The following ERBB4 variants were observed in gnomAD, a reference collection of about 807,000 sequenced individuals.
ERBB4 encodes the protein receptor tyrosine-protein kinase erbB-4.
In ERBB4, 42 loss-of-function variants were observed where a neutral mutation model predicts 158.0. That is an observed-to-expected ratio of 0.27 (90% CI 0.21 to 0.34). The LOEUF is 0.34. Among genes scored for constraint, ERBB4 ranks in the 10% least tolerant of loss-of-function variants. The pLI, the probability that ERBB4 is intolerant of heterozygous loss-of-function variation, is 1.00. For synonymous variants in ERBB4, 583 were observed against 558.7 expected, an observed-to-expected ratio of 1.04 and a Z score of -0.61; for missense variants, 1,333 against 1,624.1, an observed-to-expected ratio of 0.82 and a Z score of 3.08.
intron 1 of ERBB4, among the ~76,000 whole-genome samples, chr2:212,228,670 T>C (rs1370408320): frequency 6.6e-6 from 1 of 151,630 alleles, no homozygotes; most frequent in Non-Finnish European, 1.5e-5. Flanking sequence ...AAACAAAAAA[T>C]CAGTAAACCC....
intron 1 of ERBB4, among the ~76,000 whole-genome samples, chr2:212,473,351 C>G (rs2106125534): frequency 6.6e-6 from 1 of 152,108 alleles, no homozygotes; most frequent in Middle Eastern, 3.4e-3. Context: ...AAAGAGGTTT[C>G]CACACTTGCC....
rs902249825 is a variant in ERBB4, at chr2:211,641,407, G to C, written c.1947-10813C>G. ...CTTTTGAGATCATCATTTGCAAGAGGAACAAACCTTAAAAATATTTAATAC... is the reference window on the plus strand; with the variant it reads ...CTTTTGAGATCATCATTTGCAAGAGCAACAAACCTTAAAAATATTTAATAC... On this transcript the variant is annotated intron_variant, in intron 16 of 27. Transcript: ENST00000342788. 3.3e-5 allele frequency among the ~76,000 whole-genome samples: 5 copies of C among 151,972 alleles called. 1 individual carries two copies. Among genetic ancestry groups the C allele is most frequent in the African/African-American group, 1.2e-4 (5 of 41,368 alleles).
chr2:211,807,285 C>A (rs1225747363), intron 3 of ERBB4, among the ~76,000 whole-genome samples: 6 of 152,064 alleles, frequency 3.9e-5, no homozygotes, highest in African/African-American at 1.4e-4. Flanking sequence ...TAATGCTATC[C>A]CTTCCCCTGG....
intron 20 of ERBB4, among the ~76,000 whole-genome samples, chr2:211,510,772 CA>C (rs2065866393): frequency 6.6e-6 from 1 of 151,890 alleles, no homozygotes; most frequent in African/African-American, 2.4e-5. Flanking sequence ...AGAAGCTTGC[CA>C]TTTTTTTTCT....
In ERBB4 at chr2:211,580,844, T is replaced by A. The variant is rs1387483703; in HGVS notation, c.2302-18756A>T. On this transcript the variant is annotated intron_variant, in intron 19 of 27. Transcript: ENST00000342788. ...ATATATTATATATATAGATTATATA[T>A]TATATATATAGTATGCATATACATA... Among the ~76,000 whole-genome samples the A allele has an allele frequency of 4.1e-3, 243 of 58,710 alleles. 37 individuals carry two copies. The highest frequency in any genetic ancestry group is 8.3e-3 in the Non-Finnish European group (210 of 25,206). The allele number at this position is 58,710 out of a possible 152,430, so 38.5% of individuals were successfully genotyped here.
At chr2:211,908,097 C>G (rs2079445970) in intron 3 of ERBB4, among the ~76,000 whole-genome samples, 1 of 151,482 alleles carries the variant, frequency 6.6e-6, no homozygotes, top group African/African-American at 2.4e-5. Context: ...TTACTTTATA[C>G]AGACAACACA....
intron 19 of ERBB4, among the ~76,000 whole-genome samples, chr2:211,595,159 A>T (rs1287106003): frequency 6.6e-6 from 1 of 152,200 alleles, no homozygotes; most frequent in African/African-American, 2.4e-5. Flanking sequence ...TCTGGGATAA[A>T]TTTTTATAGA....
chr2:211,858,470 A>G (rs2077928278), intron 3 of ERBB4, among the ~76,000 whole-genome samples: 1 of 152,346 alleles, frequency 6.6e-6, no homozygotes, highest in Admixed American at 6.5e-5. Flanking sequence ...TAAAGTCCTC[A>G]GCATGGTTTG....
At chr2:212,102,905 A>C (rs1359372812) in intron 2 of ERBB4, among the ~76,000 whole-genome samples, 1 of 152,110 alleles carries the variant, frequency 6.6e-6, no homozygotes, top group African/African-American at 2.4e-5. Context: ...AATAACTTTC[A>C]TTATCCAACA....
At chr2:211,540,205 T>TATATATATATATAC (rs60602351) in intron 20 of ERBB4, among the ~76,000 whole-genome samples, 7,233 of 147,534 alleles carry the variant, frequency 0.049, 177 homozygotes, top group African/African-American at 0.06. Context: ...TATATATATA[T>TATATATATATATAC]ACACACACAC....
chr2:211,805,818 A>C (rs1241962761), intron 3 of ERBB4, among the ~76,000 whole-genome samples: 1 of 152,076 alleles, frequency 6.6e-6, no homozygotes, highest in African/African-American at 2.4e-5. Context: ...ATTCTATTCT[A>C]TAGGAAAGAA....
At chr2:212,437,707 G>C (rs1158534838) in intron 1 of ERBB4, among the ~76,000 whole-genome samples, 2 of 152,058 alleles carry the variant, frequency 1.3e-5, no homozygotes, top group African/African-American at 4.8e-5. Context: ...TGATTCTGTA[G>C]TGACTTTCTG....
At chr2:212,331,642 T>C (rs919005910) in intron 1 of ERBB4, among the ~76,000 whole-genome samples, 2 of 151,926 alleles carry the variant, frequency 1.3e-5, no homozygotes, top group Admixed American at 1.3e-4. Context: ...AAACTCAAAT[T>C]ATTATCAAAT....
chr2:211,408,641 C>T (rs1246418966), intron 25 of ERBB4, among the ~76,000 whole-genome samples: 3 of 152,160 alleles, frequency 2.0e-5, no homozygotes, highest in Non-Finnish European at 4.4e-5. Flanking sequence ...TAAGAAGCTA[C>T]AAACAATAAG....
At chr2:212,209,547 G>A (rs1025284635) in intron 1 of ERBB4, among the ~76,000 whole-genome samples, 3 of 152,046 alleles carry the variant, frequency 2.0e-5, no homozygotes, top group African/African-American at 7.2e-5. Context: ...TACTAGTAAT[G>A]TGACTACTTG....
At chr2:211,844,797 G>T (rs2077552647) in intron 3 of ERBB4, among the ~76,000 whole-genome samples, 1 of 152,060 alleles carries the variant, frequency 6.6e-6, no homozygotes, top group Non-Finnish European at 1.5e-5. Context: ...ACAATCTATT[G>T]AAATCTAACG....
At chr2:211,540,205 T>TATATATATATATATATAC (rs60602351) in intron 20 of ERBB4, among the ~76,000 whole-genome samples, 54 of 147,828 alleles carry the variant, frequency 3.7e-4, no homozygotes, top group African/African-American at 9.2e-4. Flanking sequence ...TATATATATA[T>TATATATATATATATATAC]ACACACACAC....
intron 19 of ERBB4, among the ~76,000 whole-genome samples, chr2:211,588,360 TAAAAC>T (rs2068353325): frequency 1.3e-5 from 2 of 152,004 alleles, no homozygotes; most frequent in African/African-American, 4.8e-5. Context: ...AAAAATAAAT[TAAAAC>T]AAAAAGTAAT....
chr2:211,429,501 A>T (rs910207850), intron 21 of ERBB4, among the ~76,000 whole-genome samples: 1 of 152,162 alleles, frequency 6.6e-6, no homozygotes, highest in Non-Finnish European at 1.5e-5. Flanking sequence ...AAACATCTCA[A>T]CCCACATATC....
Sources: gnomAD v4.1 joint callset for allele counts (sites outside exome capture counted in the v4.1 genomes callset) on GRCh38, gnomAD v4.1.1 for gene constraint, MANE v1.5 for transcripts, NCBI Gene and HGNC (gene_info 2026-07-23, HGNC 2026-07-21) for gene names.